The following EIF4G3 variants were observed in gnomAD, a reference collection of about 807,000 sequenced individuals.
EIF4G3 encodes eIF-4-gamma 3.
In EIF4G3, 34 loss-of-function variants were observed where a neutral mutation model predicts 186.4. The observed-to-expected ratio is 0.18, with a 90% confidence interval of 0.14 to 0.24. The LOEUF is 0.24. Among genes scored for constraint, EIF4G3 ranks in the 10% least tolerant of loss-of-function variants. The pLI is 1.00. For synonymous variants in EIF4G3, 673 were observed against 679.5 expected (o/e 0.99, Z 0.15); for missense variants, 1,536 against 1,948.5 (o/e 0.79, Z 3.99).
chr1:20,905,068 A>G lies in EIF4G3; in HGVS notation c.1664-97T>C, dbSNP rs115385353. 1.4e-3 allele frequency: 1,214 copies of G among 893,472 alleles called. 11 individuals carry two copies. In the African/African-American group the frequency reaches 0.019, roughly 14 times the overall value. The allele number at this position is 893,472 out of a possible 1,614,324, so 55.3% of individuals were successfully genotyped here. A position where few individuals can be genotyped will look rare whatever the true frequency, so the allele number is the denominator to read the frequency against. On this transcript the variant is annotated intron_variant, in intron 14 of 36. Transcript: ENST00000602326. ...CCTATATTCAAATTAAGCAGGATAA[A>G]AGAGAACTTTACCTATACCAAACAA... is the stretch of plus-strand genomic sequence containing the variant.
At chr1:21,106,487 A>G (rs1162354896) in intron 2 of EIF4G3, among the ~76,000 whole-genome samples, 1 of 152,186 alleles carries the variant, frequency 6.6e-6, no homozygotes, top group Non-Finnish European at 1.5e-5. Flanking sequence ...GTGTATCTTG[A>G]GTAGTTAGGC....
chr1:20,987,316 A>G (rs1203697015), intron 7 of EIF4G3, among the ~76,000 whole-genome samples: 1 of 152,262 alleles, frequency 6.6e-6, no homozygotes, highest in Non-Finnish European at 1.5e-5. Flanking sequence ...GAAAAATCCT[A>G]TTTAATCACA....
intron 27 of EIF4G3, among the ~76,000 whole-genome samples, chr1:20,852,478 A>C (rs2073644356): frequency 6.6e-6 from 1 of 152,186 alleles, no homozygotes; most frequent in African/African-American, 2.4e-5. Flanking sequence ...CATATGGAAA[A>C]TATTTGAGAA....
At chr1:20,951,911 T>C (rs1201226440) in intron 12 of EIF4G3, among the ~76,000 whole-genome samples, 1 of 152,164 alleles carries the variant, frequency 6.6e-6, no homozygotes, top group Non-Finnish European at 1.5e-5. Context: ...AACAAAGTCC[T>C]AGAAAGAATC....
intron 16 of EIF4G3, 84 bp downstream of exon 16, chr1:20,899,613 G>C (rs191121184): frequency 1.1e-5 from 17 of 1,492,194 alleles, no homozygotes; most frequent in Non-Finnish European, 1.4e-5. Context: ...CTTCCATCCA[G>C]TATCTCTCTA....
intron 2 of EIF4G3, among the ~76,000 whole-genome samples, chr1:21,144,989 G>C (rs1414201778): frequency 6.6e-6 from 1 of 152,046 alleles, no homozygotes; most frequent in Non-Finnish European, 1.5e-5. Context: ...TAACAGCATT[G>C]TTTCTTGGCC....
At chr1:20,994,658 TCA>T (rs2081907434) in intron 7 of EIF4G3, among the ~76,000 whole-genome samples, 1 of 130,390 alleles carries the variant, frequency 7.7e-6, no homozygotes, top group South Asian at 2.4e-4. Flanking sequence ...AGATAAAGTC[TCA>T]CTCTTTCACC....
intron 14 of EIF4G3, among the ~76,000 whole-genome samples, chr1:20,915,376 G>A (rs923012018): frequency 1.6e-4 from 24 of 151,838 alleles, no homozygotes; most frequent in African/African-American, 5.3e-4. Context: ...TGAGGTCTGC[G>A]TCGTTACCCA....
chr1:21,082,141 A>G (rs1031224413), intron 3 of EIF4G3, among the ~76,000 whole-genome samples: 1 of 148,692 alleles, frequency 6.7e-6, no homozygotes, highest in Non-Finnish European at 1.5e-5. Flanking sequence ...AATCCCTATT[A>G]TGTAAAATGA....
At chr1:20,981,991 C>G (rs1266527396) in intron 8 of EIF4G3, among the ~76,000 whole-genome samples, 1 of 152,094 alleles carries the variant, frequency 6.6e-6, no homozygotes, top group East Asian at 1.9e-4. Flanking sequence ...CTTAGAAGAA[C>G]AAGGAATCTC....
At chr1:21,145,303 C>T (rs2097419340) in intron 2 of EIF4G3, among the ~76,000 whole-genome samples, 2 of 149,432 alleles carry the variant, frequency 1.3e-5, no homozygotes, top group African/African-American at 4.9e-5. Context: ...CTAGTAGAAT[C>T]AGAGCTAAAA....
At chr1:21,113,275 G>C (rs948432221) in intron 2 of EIF4G3, among the ~76,000 whole-genome samples, 2 of 148,206 alleles carry the variant, frequency 1.3e-5, no homozygotes, top group Non-Finnish European at 3.0e-5. Context: ...CTGAATTCTT[G>C]TTTTCTTTTT....
intron 2 of EIF4G3, among the ~76,000 whole-genome samples, chr1:21,113,248 G>A (rs74853868): frequency 0.013 from 1,893 of 149,822 alleles, 39 homozygotes; most frequent in African/African-American, 0.043. Flanking sequence ...TTCATGTCTG[G>A]TTTAATGGTA....
chr1:21,152,156 G>T (rs1191049061), intron 2 of EIF4G3, among the ~76,000 whole-genome samples: 1 of 151,936 alleles, frequency 6.6e-6, no homozygotes, highest in Non-Finnish European at 1.5e-5. Context: ...AAGCTCAGAA[G>T]TACACTATAC....
At chr1:20,990,968 T>G in intron 7 of EIF4G3, among the ~76,000 whole-genome samples, 1 of 152,212 alleles carries the variant, frequency 6.6e-6, no homozygotes, top group South Asian at 2.1e-4. Context: ...AGAAATTTCC[T>G]TGGTGAATAT....
In EIF4G3 at chr1:21,102,143, A is replaced by G. The variant is rs372261677; in HGVS notation, c.-271-12930T>C. ...AAAAAAGACAAACACCAAAAAGGAA[A>G]TAGTTTTAAAAATGGAGGTATTTCT... is the stretch of plus-strand genomic sequence containing the variant. On this transcript the variant is annotated intron_variant, in intron 2 of 36. Coordinates refer to ENST00000602326, the MANE Select transcript of EIF4G3 (RefSeq NM_001391906.1). 2.6e-5 allele frequency among the ~76,000 whole-genome samples: 4 copies of G among 152,268 alleles called. No homozygotes were observed. In the East Asian group the frequency reaches 7.7e-4, roughly 29 times the overall value.
chr1:20,844,603 T>C (rs913529964), intron 29 of EIF4G3, among the ~76,000 whole-genome samples: 2 of 152,000 alleles, frequency 1.3e-5, no homozygotes, highest in African/African-American at 4.8e-5. Context: ...GTATTTGGGA[T>C]GCGGATCACC....
At chr1:21,065,397 C>CAAA (rs3081969) in intron 3 of EIF4G3, among the ~76,000 whole-genome samples, 3,509 of 123,966 alleles carry the variant, frequency 0.028, 83 homozygotes, top group Non-Finnish European at 0.038. Context: ...TTGTTTCTAC[C>CAAA]AAAAAAAAAA....
chr1:21,128,341 T>C (rs1418601602), intron 2 of EIF4G3, among the ~76,000 whole-genome samples: 1 of 150,106 alleles, frequency 6.7e-6, no homozygotes, highest in East Asian at 2.0e-4. Context: ...AAACCCCGTC[T>C]CTAAAAAATA....
Sources: gnomAD v4.1 joint callset for allele counts (sites outside exome capture counted in the v4.1 genomes callset) on GRCh38, gnomAD v4.1.1 for gene constraint, MANE v1.5 for transcripts, NCBI Gene and HGNC (gene_info 2026-07-23, HGNC 2026-07-21) for gene names.